The following TRPM1 variants were observed in gnomAD, a reference collection of about 807,000 sequenced individuals.
The protein encoded by TRPM1 is TRPM1-203 APA Isoform, Intron 10.
In TRPM1, 113 loss-of-function variants were observed where a neutral mutation model predicts 149.4. The ratio of observed to expected loss-of-function variants is 0.76; its 90% CI spans 0.65 to 0.88. TRPM1 has a LOEUF of 0.88. TRPM1 is among the 40% of genes least tolerant of loss of function. The pLI is 0.00. For missense variants in TRPM1, 1,976 were observed against 2,038.7 expected (o/e 0.97, Z 0.59); for synonymous variants, 741 against 759.5 (o/e 0.98, Z 0.40).
At chr15:31,051,991 G>T (rs2033960105) in intron 11 of TRPM1, among the ~76,000 whole-genome samples, 1 of 152,126 alleles carries the variant, frequency 6.6e-6, no homozygotes, top group Non-Finnish European at 1.5e-5. Context: ...CTACCCCTAT[G>T]TGCAGCCATG....
rs186959599 is a variant in TRPM1 at position 31,114,657 on chromosome 15, G to C, written c.55-37673C>G. On this transcript the variant is annotated intron_variant, in intron 1 of 26. Coordinates refer to the TRPM1 transcript ENST00000542188. ...CTGACCTCTCAACAGAAGCAAAGAA[G>C]GGCAGAAGGTAACAAAATTATATAT... 1.8e-3 allele frequency among the ~76,000 whole-genome samples: 277 copies of C among 152,280 alleles called. 3 individuals carry two copies. The highest frequency in any genetic ancestry group is 6.4e-3 in the African/African-American group (266 of 41,546).
At chr15:31,084,094 G>C (rs901929267) in intron 1 of TRPM1, among the ~76,000 whole-genome samples, 25 of 152,126 alleles carry the variant, frequency 1.6e-4, no homozygotes, top group African/African-American at 5.1e-4. Flanking sequence ...TCTCCCAGGG[G>C]CTCTCCTCTG....
intron 1 of TRPM1, among the ~76,000 whole-genome samples, chr15:31,135,729 C>A (rs886374414): frequency 1.1e-4 from 17 of 152,022 alleles, no homozygotes; most frequent in Non-Finnish European, 2.4e-4. Flanking sequence ...TCTACAACAG[C>A]GTATTGTGAA....
chr15:31,088,743 C>G (rs966573390), intron 1 of TRPM1, among the ~76,000 whole-genome samples: 1 of 151,230 alleles, frequency 6.6e-6, no homozygotes, highest in Non-Finnish European at 1.5e-5. Flanking sequence ...TATTCGTCTT[C>G]CTGCTACCTG....
chr15:31,159,479 A>C (rs1198858992), intron 1 of TRPM1, among the ~76,000 whole-genome samples: 9 of 152,304 alleles, frequency 5.9e-5, no homozygotes, highest in African/African-American at 2.2e-4. Context: ...CAAATGCAGC[A>C]GTGCATTTGC....
At chr15:31,069,552 G>A in intron 4 of TRPM1, 1 of 1,178,338 alleles carries the variant, frequency 8.5e-7, no homozygotes, top group South Asian at 3.8e-5. Flanking sequence ...CTCACTGGAA[G>A]GGCAGAGGGC....
rs561714878 is a variant in TRPM1, at chr15:31,071,458, G to C, written c.84-1232C>G. The stretch of plus-strand genomic sequence containing the variant: ...GGGCCCTTGCCAGAAGGCTTTCTGT[G>C]CTCCCATGGGGCCAGCCTTGGGGCT... On this transcript the variant is annotated intron_variant, in intron 3 of 27. Coordinates refer to ENST00000256552, the MANE Select transcript of TRPM1 (RefSeq NM_001252024.2). 2.6e-5 allele frequency among the ~76,000 whole-genome samples: 4 copies of C among 152,222 alleles called. 1 individual carries two copies. The South Asian group carries it at 8.3e-4, about 32-fold the overall frequency.
chr15:31,035,990 T>C, intron 20 of TRPM1: 1 of 410,746 alleles, frequency 2.4e-6, no homozygotes, highest in Non-Finnish European at 4.6e-6. Flanking sequence ...AAACTTTTAA[T>C]AGTTTGCTGG....
At chr15:31,083,318 G>T (rs977320406) in intron 1 of TRPM1, among the ~76,000 whole-genome samples, 1 of 152,184 alleles carries the variant, frequency 6.6e-6, no homozygotes, top group African/African-American at 2.4e-5. Flanking sequence ...ATATGGGCTT[G>T]GTTGGAACCT....
chr15:31,046,550 C>T (rs560178280), intron 15 of TRPM1, among the ~76,000 whole-genome samples: 8 of 152,178 alleles, frequency 5.3e-5, no homozygotes, highest in African/African-American at 1.9e-4. Flanking sequence ...CATGAAAGAT[C>T]AGACATTTGA....
At chr15:31,074,242 T>G (rs1354473020) in intron 3 of TRPM1, among the ~76,000 whole-genome samples, 1 of 152,180 alleles carries the variant, frequency 6.6e-6, no homozygotes, top group Non-Finnish European at 1.5e-5. Flanking sequence ...CCTTCTCTGC[T>G]ATTTTCTTGA....
intron 16 of TRPM1, among the ~76,000 whole-genome samples, chr15:31,044,423 G>A (rs4779808): frequency 0.7 from 106,776 of 152,072 alleles, 37,890 homozygotes; most frequent in East Asian, 0.95. Flanking sequence ...AAAAATACCA[G>A]TAAAATATGT....
chr15:31,093,327 G>C, intron 1 of TRPM1, among the ~76,000 whole-genome samples: 1 of 140,254 alleles, frequency 7.1e-6, no homozygotes, highest in East Asian at 2.0e-4. Context: ...AAAGCTACTA[G>C]AGCTAATAAA....
chr15:31,089,434 T>G (rs1243463602), intron 1 of TRPM1, among the ~76,000 whole-genome samples: 2 of 152,248 alleles, frequency 1.3e-5, no homozygotes, highest in Admixed American at 1.3e-4. Context: ...TTGATGCCTA[T>G]GACAGGTCAT....
chr15:31,131,609 C>T (rs80049586), intron 1 of TRPM1, among the ~76,000 whole-genome samples: 4,825 of 152,240 alleles, frequency 0.032, 241 homozygotes, highest in African/African-American at 0.11. Flanking sequence ...TACCAGCTAC[C>T]CTTTCAGGCA....
chr15:31,102,791 C>T (rs543101820), upstream of TRPM1, among the ~76,000 whole-genome samples: 13 of 152,340 alleles, frequency 8.5e-5, no homozygotes, highest in South Asian at 2.1e-3. Context: ...GCAGAGTGGG[C>T]GTGCAAAGGG....
At chr15:31,020,919 G>C (rs939837207) in intron 27 of TRPM1, among the ~76,000 whole-genome samples, 4 of 152,086 alleles carry the variant, frequency 2.6e-5, no homozygotes, top group Non-Finnish European at 5.9e-5. Flanking sequence ...TCCTAATTCT[G>C]GGTGAGTAGT....
intron 1 of TRPM1, among the ~76,000 whole-genome samples, chr15:31,150,707 T>C (rs932730770): frequency 6.6e-6 from 1 of 152,146 alleles, no homozygotes; most frequent in African/African-American, 2.4e-5. Flanking sequence ...GTGCTGGGAT[T>C]ATAGGCATGA....
At chr15:31,026,077 G>GT in intron 27 of TRPM1, 62 bp downstream of exon 27, 1 of 1,602,392 alleles carries the variant, frequency 6.2e-7, no homozygotes, top group Non-Finnish European at 8.5e-7. Context: ...CCCCCATAGA[G>GT]TGGGGCGCCC....
Sources: gnomAD v4.1 joint callset for allele counts (sites outside exome capture counted in the v4.1 genomes callset) on GRCh38, gnomAD v4.1.1 for gene constraint, MANE v1.5 for transcripts, NCBI Gene and HGNC (gene_info 2026-07-23, HGNC 2026-07-21) for gene names.